ETAA1: variants seen among roughly 807,000 people sequenced by gnomAD.
ETAA1 encodes ewing's tumor-associated antigen 1.
In ETAA1, 49 loss-of-function variants were observed where a neutral mutation model predicts 76.8. The ratio of observed to expected loss-of-function variants is 0.64; its 90% CI spans 0.51 to 0.81. ETAA1 has a LOEUF of 0.81. Ranked by LOEUF, ETAA1 falls within the 30% of genes least tolerant of loss-of-function variation. The pLI is 0.00. For synonymous variants in ETAA1, 373 were observed against 372.2 expected, an observed-to-expected ratio of 1.00 and a Z score of -0.03; for missense variants, 1,099 against 1,074.0, an observed-to-expected ratio of 1.02 and a Z score of -0.32.
chr2:67,411,650 T>TAA lies in ETAA1; in HGVS notation c.*1613_*1614insAA, dbSNP rs1558584396. 1 of 152,104 alleles carries TAA rather than the reference T, an allele frequency of 6.6e-6. No homozygotes were observed. The highest frequency in any genetic ancestry group is 1.5e-5 in the Non-Finnish European group (1 of 67,986). 9.4% of individuals were successfully genotyped at this position (152,104 alleles called of 1,614,324 possible). ...GACGCATATCACTTTTGCATCACGT[T>TAA]AGAGTTGAAAAATTGTAAGTCAACC... On this transcript the variant is annotated 3_prime_UTR_variant, in exon 6 of 6. Coordinates refer to ENST00000272342, the MANE Select transcript of ETAA1 (RefSeq NM_019002.4).
chr2:67,405,611 T>G (rs998177978), intron 5 of ETAA1, among the ~76,000 whole-genome samples: 1 of 152,064 alleles, frequency 6.6e-6, no homozygotes, highest in African/African-American at 2.4e-5. Flanking sequence ...AAATATTTTT[T>G]GAATAACTTA....
chr2:67,408,500 G>A (rs1247892787), intron 5 of ETAA1, among the ~76,000 whole-genome samples: 1 of 151,434 alleles, frequency 6.6e-6, no homozygotes, highest in Non-Finnish European at 1.5e-5. Context: ...GATACTCAAA[G>A]GTTAACATTC....
At position 67,399,663 on chromosome 2, in the gene ETAA1, G is replaced by T. The variant is rs780170971; in HGVS notation, c.429+37G>T. On this transcript the variant is annotated intron_variant, in intron 3 of 5. Transcript: ENST00000272342. ...TAGTTTTACAGTTTGTTTTAAAACA[G>T]TGAAGAATGTGCCACTAAGTTTTTG... 3.7e-6 allele frequency: 5 copies of T among 1,343,332 alleles called. No homozygotes were observed. In the South Asian group the frequency reaches 6.3e-5, roughly 17 times the overall value. The allele number at this position is 1,343,332 out of a possible 1,614,324, so 83.2% of individuals were successfully genotyped here. A position where few individuals can be genotyped will look rare whatever the true frequency, so the allele number is the denominator to read the frequency against.
At position 67,404,381 on chromosome 2, in the gene ETAA1, C is replaced by T. The variant is rs1405337653; in HGVS notation, c.1699C>T (p.Gln567Ter). ...TAAAACCAGTGTTAGTAACCCAAAT[C>T]AGACTAGTGCATCAAAAGTAGGTTC... Reference protein sequence around the residue: ...GSKTSVSNPNQTSASKVGSFF... With the variant: ...GSKTSVSNPN The change falls in exon 5 of 6, where the codon CAG (glutamine) becomes TAG (stop). Residue 567 changes from glutamine to a stop codon, truncating the protein, a stop_gained. Coordinates refer to ENST00000272342, the MANE Select transcript of ETAA1 (RefSeq NM_019002.4). LOFTEE classifies it high-confidence loss of function. The T allele has an allele frequency of 6.2e-7, 1 of 1,613,300 alleles. No individual in the cohort carries two copies. Among genetic ancestry groups the T allele is most frequent in the Non-Finnish European group, 8.5e-7 (1 of 1,179,458 alleles).
At position 67,397,368 on chromosome 2, in the gene ETAA1, G is replaced by T; in HGVS notation, c.-81G>T. 1 of 1,413,366 alleles carries T rather than the reference G, an allele frequency of 7.1e-7. No individual in the cohort carries two copies. The highest frequency in any genetic ancestry group is 9.8e-7 in the Non-Finnish European group (1 of 1,023,354). 87.6% of individuals were successfully genotyped at this position (1,413,366 alleles called of 1,614,324 possible). ...ATGGCGGCTGCCGTTGGTGCGGGGT[G>T]CGGTTTGTAGTGCTGTTGCCCTACT... On this transcript the variant is annotated 5_prime_UTR_variant, in exon 1 of 6. Coordinates refer to ENST00000272342, the MANE Select transcript of ETAA1 (RefSeq NM_019002.4).
rs1676343343 is a variant in ETAA1 at position 67,410,421 on chromosome 2, T to C, written c.*383T>C. 1 of 156,554 alleles carries C rather than the reference T, an allele frequency of 6.4e-6. No homozygotes were observed. The highest frequency in any genetic ancestry group is 1.4e-5 in the Non-Finnish European group (1 of 71,146). The allele number at this position is 156,554 out of a possible 1,614,324, so 9.7% of individuals were successfully genotyped here. A position where few individuals can be genotyped will look rare whatever the true frequency, so the allele number is the denominator to read the frequency against. ...ACTTTCTAAGTTAGTAGAGACTGTT[T>C]TTGTAGTTTTACTTTCATTAACTGT... On this transcript the variant is annotated 3_prime_UTR_variant, in exon 6 of 6. Coordinates refer to ENST00000272342, the MANE Select transcript of ETAA1 (RefSeq NM_019002.4).
At position 67,404,163 on chromosome 2, in the gene ETAA1, T is replaced by C. The variant is rs745343993; in HGVS notation, c.1481T>C (p.Ile494Thr). 17 of 1,596,790 alleles carry C rather than the reference T, an allele frequency of 1.1e-5. No individual in the cohort carries two copies. The highest frequency in any genetic ancestry group is 1.4e-5 in the Non-Finnish European group (17 of 1,173,870). Residue 494 changes from isoleucine (I) to threonine (T), a missense_variant, in exon 5 of 6, where the codon ATT (isoleucine) becomes ACT (threonine). This residue lies in a region of ETAA1 where 761 missense variants were observed against 731.9 expected (regional missense o/e 1.04). Coordinates refer to ENST00000272342, the MANE Select transcript of ETAA1 (RefSeq NM_019002.4). ...AATAAAATTGTTATTCAAGACGAAA[T>C]TCAAAATTGTATAGTTACATCTAAT... ...SSNKIVIQDE[I>T]QNCIVTSNLT...
chr2:67,402,867 A>T lies in ETAA1; in HGVS notation c.435A>T (p.Glu145Asp), dbSNP rs754386482. The change falls in exon 4 of 6, where the codon GAA becomes GAT. Residue 145 changes from glutamate to aspartate, a missense_variant. This residue lies in a region of ETAA1 where 761 missense variants were observed against 731.9 expected (regional missense o/e 1.04). Transcript: ENST00000272342. ...TTTTTCCCTATCTGCCAAAGGATGAAAAACCAACAACAAATTCTATGCTGG... is the reference window on the plus strand; with the variant it reads ...TTTTTCCCTATCTGCCAAAGGATGATAAACCAACAACAAATTCTATGCTGG... ...HIVNRIAPQD[E>D]KPTTNSMLDM... 5 of 1,587,940 alleles carry T rather than the reference A, an allele frequency of 3.1e-6. No homozygotes were observed. The South Asian group carries it at 5.7e-5, about 18-fold the overall frequency.
At chr2:67,402,813 G>T in intron 3 of ETAA1, 49 bp from the exon 4 acceptor site, 1 of 1,163,542 alleles carries the variant, frequency 8.6e-7, no homozygotes, top group East Asian at 2.8e-5. Context: ...GGAAGACGGG[G>T]GATGCTACAC....
In ETAA1 at chr2:67,404,051, A is replaced by G. The variant is rs1305168386; in HGVS notation, c.1369A>G (p.Ile457Val). 1 of 1,605,890 alleles carries G rather than the reference A, an allele frequency of 6.2e-7. No individual in the cohort carries two copies. The highest frequency in any genetic ancestry group is 1.3e-5 in the African/African-American group (1 of 74,322). ...LSSKTYDREL[I>V]DAEYRFSPNS... ...TTCAAAGACATATGACAGAGAATTAATAGATGCAGAATATAGATTTTCACC... is the reference window on the plus strand; with the variant it reads ...TTCAAAGACATATGACAGAGAATTAGTAGATGCAGAATATAGATTTTCACC... Residue 457 changes from isoleucine to valine, a missense_variant, in exon 5 of 6, where the codon ATA becomes GTA. By Grantham distance (29) the Ile-to-Val change is conservative. Coordinates refer to ENST00000272342, the MANE Select transcript of ETAA1 (RefSeq NM_019002.4).
At position 67,397,588 on chromosome 2, in the gene ETAA1, G is replaced by A. The variant is rs1389806121; in HGVS notation, c.140G>A (p.Gly47Glu). 6 of 1,554,290 alleles carry A rather than the reference G, an allele frequency of 3.9e-6. No homozygotes were observed. The African/African-American group carries it at 4.1e-5, about 11-fold the overall frequency. Residue 47 changes from glycine (G) to glutamate (E), a missense_variant, in exon 1 of 6, where the codon GGG becomes GAG. Gly to Glu is a moderately conservative substitution (Grantham distance 98). Around this residue, in one of 3 missense-constraint regions of ETAA1, gnomAD observed 761 missense variants for 731.9 expected, o/e 1.04. Transcript: ENST00000272342. Reference protein sequence around the residue: ...LRSARGSWPCGAREGPPGPVR... With the variant: ...LRSARGSWPCEAREGPPGPVR... ...TCGGCCCGCGGTTCGTGGCCCTGCG[G>A]GGCTAGAGAGGGGCCTCCCGGGCCA...
chr2:67,399,508 GT>G (rs756696193), intron 2 of ETAA1, 41 bp from the exon 3 acceptor site: 1 of 1,472,806 alleles, frequency 6.8e-7, no homozygotes, highest in Non-Finnish European at 9.4e-7. Flanking sequence ...AAAATGGAGG[GT>G]TTTTTGTTTA....
intron 3 of ETAA1, chr2:67,401,383 G>A (rs914120312): frequency 2.0e-5 from 3 of 151,604 alleles, no homozygotes; most frequent in East Asian, 1.9e-4. Context: ...TTAAATATGC[G>A]CTTTTATTTT....
At chr2:67,398,270 A>G (rs1397399825) in intron 1 of ETAA1, among the ~76,000 whole-genome samples, 1 of 150,540 alleles carries the variant, frequency 6.6e-6, no homozygotes, top group Non-Finnish European at 1.5e-5. Context: ...AACTCATACA[A>G]AAGCCTTTAT....
chr2:67,409,262 C>T (rs1676301845), intron 5 of ETAA1, among the ~76,000 whole-genome samples: 1 of 151,794 alleles, frequency 6.6e-6, no homozygotes, highest in Non-Finnish European at 1.5e-5. Flanking sequence ...AATACAAAGC[C>T]TCAACTTACT....
chr2:67,404,638 A>C lies in ETAA1; in HGVS notation c.1956A>C (p.Gln652His), dbSNP rs151212401. ...AACATGGAGCCAAACTAACTCAGCA[A>C]CAAGACATTAGAAAGGACAGTAAGA... ...NSEHGAKLTQ[Q>H]QDIRKDSKTS... Residue 652 changes from glutamine to histidine, a missense_variant, in exon 5 of 6, where the codon CAA becomes CAC. By Grantham distance (24) the Gln-to-His change is conservative. Around this residue, in one of 3 missense-constraint regions of ETAA1, gnomAD observed 36 missense variants for 64.0 expected, o/e 0.56. Coordinates refer to ENST00000272342, the MANE Select transcript of ETAA1 (RefSeq NM_019002.4). 1.2e-6 allele frequency: 2 copies of C among 1,613,336 alleles called. No homozygotes were observed. The highest frequency in any genetic ancestry group is 1.7e-6 in the Non-Finnish European group (2 of 1,179,554).
At chr2:67,399,958 GAA>G (rs1024153095) in intron 3 of ETAA1, among the ~76,000 whole-genome samples, 1 of 152,070 alleles carries the variant, frequency 6.6e-6, no homozygotes, top group Non-Finnish European at 1.5e-5. Context: ...ATAAGGCAGT[GAA>G]AAAAGTTTAT....
At chr2:67,407,157 G>A (rs908023470) in intron 5 of ETAA1, among the ~76,000 whole-genome samples, 1 of 150,972 alleles carries the variant, frequency 6.6e-6, no homozygotes, top group African/African-American at 2.4e-5. Context: ...ACCCAAGGGT[G>A]TCCAATCTTT....
At position 67,403,493 on chromosome 2, in the gene ETAA1, C is replaced by G. The variant is rs1676114097; in HGVS notation, c.811C>G (p.Gln271Glu). The G allele has an allele frequency of 6.2e-7, 1 of 1,613,316 alleles. No individual in the cohort carries two copies. Among genetic ancestry groups the G allele is most frequent in the African/African-American group, 1.3e-5 (1 of 74,904 alleles). ...ISVANNQNSSQKPFDQIAEAA... is the reference protein window; with the variant it reads ...ISVANNQNSSEKPFDQIAEAA... The stretch of plus-strand genomic sequence containing the variant: ...TGTGGCAAATAATCAAAATAGCAGT[C>G]AGAAGCCATTTGACCAAATTGCTGA... The change falls in exon 5 of 6, where the codon CAG becomes GAG. Residue 271 changes from glutamine to glutamate, a missense_variant. By Grantham distance (29) the Gln-to-Glu change is conservative (BLOSUM62 2). Around this residue, in one of 3 missense-constraint regions of ETAA1, gnomAD observed 761 missense variants for 731.9 expected, o/e 1.04. Transcript: ENST00000272342.
Sources: gnomAD v4.1 joint callset for allele counts (sites outside exome capture counted in the v4.1 genomes callset) on GRCh38, gnomAD v4.1.1 for gene constraint, gnomAD v4.1.1 regional missense constraint, MANE v1.5 for transcripts, NCBI Gene and HGNC (gene_info 2026-07-23, HGNC 2026-07-21) for gene names.